The following DISC1 variants were observed in gnomAD, a reference collection of about 807,000 sequenced individuals.
DISC1 encodes DISC1 scaffold protein, also known as disrupted in schizophrenia 1 protein.
DISC1 carries 57 observed loss-of-function variants against 84.5 expected under a neutral mutation model. The observed-to-expected ratio is 0.67, with a 90% CI of 0.55 to 0.84. DISC1 has a LOEUF of 0.84. Among genes scored for constraint, DISC1 ranks in the 40% least tolerant of loss-of-function variants. The probability of loss-of-function intolerance (pLI) is 0.00; values close to 1 mark genes in which losing one functional copy is unlikely to be tolerated. For synonymous variants in DISC1, 411 were observed against 415.2 expected (o/e 0.99, Z 0.12); for missense variants, 1,000 against 1,057.8 (o/e 0.95, Z 0.76).
chr1:232,009,926 T>G lies in DISC1; in HGVS notation c.2307+877T>G, dbSNP rs1205905895. Among the ~76,000 whole-genome samples the G allele has an allele frequency of 6.6e-6, 1 of 152,198 alleles. No homozygotes were observed. The highest frequency in any genetic ancestry group is 1.5e-5 in the Non-Finnish European group (1 of 68,038). On this transcript the variant is annotated intron_variant, in intron 11 of 12. Coordinates refer to ENST00000439617, the MANE Select transcript of DISC1 (RefSeq NM_018662.3). The surrounding 1 kb of genome is among the most constrained non-coding windows in gnomAD (Gnocchi z 4.6). ...TTAGATGTTAGCTGTGCTTCCTCCC[T>G]GGGTCTTTGCCAGGACTCACCACTG...
At chr1:231,745,685 C>G in intron 3 of DISC1, among the ~76,000 whole-genome samples, 1 of 152,150 alleles carries the variant, frequency 6.6e-6, no homozygotes, top group African/African-American at 2.4e-5. Flanking sequence ...ACAAATCTCT[C>G]CCTATCCTTC....
At chr1:231,729,156 A>C (rs1255117697) in intron 3 of DISC1, among the ~76,000 whole-genome samples, 4 of 152,340 alleles carry the variant, frequency 2.6e-5, no homozygotes, top group African/African-American at 9.6e-5. Flanking sequence ...CCATGTCCCT[A>C]CAAAGGACAC....
chr1:231,752,040 T>G (rs1444755037), intron 4 of DISC1, among the ~76,000 whole-genome samples: 2 of 152,218 alleles, frequency 1.3e-5, no homozygotes, highest in South Asian at 2.1e-4. Context: ...AGGTGAGTGC[T>G]GAGGGAGACA....
At chr1:231,734,947 A>C (rs1392771552) in intron 3 of DISC1, among the ~76,000 whole-genome samples, 1 of 152,244 alleles carries the variant, frequency 6.6e-6, no homozygotes, top group Non-Finnish European at 1.5e-5. Context: ...GCTTACCCTA[A>C]GCTGTTTAGC....
chr1:231,843,316 G>A (rs923458728), intron 9 of DISC1, among the ~76,000 whole-genome samples: 1 of 152,164 alleles, frequency 6.6e-6, no homozygotes, highest in Non-Finnish European at 1.5e-5. Context: ...GTGGAGGAGT[G>A]GGGAGAGCTT....
intron 1 of DISC1, chr1:231,685,270 T>C (rs923770612): frequency 1.6e-4 from 25 of 152,244 alleles, no homozygotes; most frequent in African/African-American, 5.8e-4. Flanking sequence ...TATATTTGTG[T>C]ACAGACATAT....
intron 8 of DISC1, among the ~76,000 whole-genome samples, chr1:231,814,405 G>A (rs184005180): frequency 6.6e-6 from 1 of 152,214 alleles, no homozygotes; most frequent in Non-Finnish European, 1.5e-5. Flanking sequence ...TGCTTTCTAT[G>A]GTTTAGAATT....
intron 4 of DISC1, among the ~76,000 whole-genome samples, chr1:231,754,814 A>AAGT (rs2074960535): frequency 6.6e-6 from 1 of 152,204 alleles, no homozygotes; most frequent in Non-Finnish European, 1.5e-5. Flanking sequence ...GCCCCCAGAA[A>AAGT]AGTATAGGCC....
chr1:231,645,970 G>A (rs2060093417), intron 1 of DISC1, among the ~76,000 whole-genome samples: 1 of 151,018 alleles, frequency 6.6e-6, no homozygotes, highest in Middle Eastern at 3.2e-3. Flanking sequence ...GAAAAACAAG[G>A]AAATAGAAGA....
intron 12 of DISC1, 82 bp from the exon 13 acceptor site, chr1:232,036,610 C>T (rs1572714720): frequency 7.5e-7 from 1 of 1,332,748 alleles, no homozygotes. Flanking sequence ...CTGCTTCCAG[C>T]AGGCTCACAC....
intron 10 of DISC1, among the ~76,000 whole-genome samples, chr1:231,996,243 C>T (rs930839392): frequency 1.3e-5 from 2 of 151,958 alleles, no homozygotes; most frequent in Non-Finnish European, 2.9e-5. Context: ...GGATATTAGC[C>T]ATTTGTCAGA....
rs990979291 is a variant in DISC1 at position 231,652,197 on chromosome 1, C to G, written c.67+25263C>G. On this transcript the variant is annotated intron_variant, in intron 1 of 12. Coordinates refer to ENST00000439617, the MANE Select transcript of DISC1 (RefSeq NM_018662.3). ...TCATGCTGGGAGCTGCAGACCAGAG[C>G]TGTTCCTATTTGGCCATCTTGGAAC... 2.3e-4 allele frequency among the ~76,000 whole-genome samples: 35 copies of G among 152,208 alleles called. 1 individual carries two copies. Among genetic ancestry groups the G allele is most frequent in the Admixed American group, 2.3e-3 (35 of 15,274 alleles).
At chr1:231,741,016 T>C (rs996039307) in intron 3 of DISC1, among the ~76,000 whole-genome samples, 6 of 152,204 alleles carry the variant, frequency 3.9e-5, no homozygotes, top group Non-Finnish European at 8.8e-5. Context: ...GCAGATGTTT[T>C]TGCATTTTGT....
intron 3 of DISC1, chr1:231,724,011 C>A: frequency 1.0e-6 from 1 of 985,332 alleles, no homozygotes; most frequent in African/African-American, 1.7e-5. Flanking sequence ...AAAATGCAGC[C>A]CACTCTGATA....
chr1:231,801,279 G>GA (rs772999124), intron 8 of DISC1, among the ~76,000 whole-genome samples: 1 of 148,158 alleles, frequency 6.7e-6, no homozygotes, highest in Admixed American at 6.7e-5. Context: ...TTTGCTGAGA[G>GA]AAAAAAAAAG....
intron 10 of DISC1, among the ~76,000 whole-genome samples, chr1:231,994,876 G>A (rs950610232): frequency 6.6e-6 from 1 of 152,114 alleles, no homozygotes; most frequent in Non-Finnish European, 1.5e-5. Context: ...CCAGGGAGGG[G>A]TTGCTATCCA....
rs183674991 is a variant in DISC1, at chr1:231,808,398, C to T, written c.1792+8188C>T. Among the ~76,000 whole-genome samples the T allele has an allele frequency of 4.3e-3, 659 of 152,308 alleles. 9 individuals are homozygous for T. Among genetic ancestry groups the T allele is most frequent in the African/African-American group, 0.015 (639 of 41,570 alleles). ...TAAGTAGCTGCAACTGCAACCTGGC[C>T]TTGGCCTGGAAGCACATCTTGTAGG... On this transcript the variant is annotated intron_variant, in intron 8 of 12. Transcript: ENST00000439617.
intron 7 of DISC1, among the ~76,000 whole-genome samples, chr1:231,799,189 T>C (rs1355598549): frequency 6.6e-6 from 1 of 152,178 alleles, no homozygotes; most frequent in Non-Finnish European, 1.5e-5. Flanking sequence ...AGGATGTGTT[T>C]GGAATGTCAT....
chr1:231,796,923 C>G (rs949043392), intron 7 of DISC1, among the ~76,000 whole-genome samples: 4 of 152,102 alleles, frequency 2.6e-5, no homozygotes, highest in African/African-American at 9.7e-5. Context: ...TGCTAGGTTG[C>G]CCAGGCTGGT....
Sources: gnomAD v4.1 joint callset for allele counts (sites outside exome capture counted in the v4.1 genomes callset) on GRCh38, gnomAD v4.1.1 for gene constraint, Gnocchi (gnomAD v3.1) non-coding constraint, MANE v1.5 for transcripts, NCBI Gene and HGNC (gene_info 2026-07-23, HGNC 2026-07-21) for gene names.